CADPS: variants seen among roughly 807,000 people sequenced by gnomAD.
The protein encoded by CADPS is calcium dependent secretion activator, also known as calcium-dependent secretion activator 1.
A neutral mutation model predicts 167.3 loss-of-function variants in CADPS; 57 were observed. The ratio of observed to expected loss-of-function variants is 0.34; its 90% confidence interval spans 0.28 to 0.42. CADPS has a LOEUF of 0.42. Ranked by LOEUF, CADPS falls within the 20% of genes least tolerant of loss-of-function variation. CADPS has a pLI of 1.00. For synonymous variants in CADPS, 676 were observed against 635.3 expected, an observed-to-expected ratio of 1.06 and a Z score of -0.96; for missense variants, 1,414 against 1,738.1, an observed-to-expected ratio of 0.81 and a Z score of 3.32.
At chr3:62,674,103 T>C (rs2075983212) in intron 3 of CADPS, among the ~76,000 whole-genome samples, 3 of 152,160 alleles carry the variant, frequency 2.0e-5, no homozygotes, top group African/African-American at 7.2e-5. Context: ...GCTTCTGCAA[T>C]TGTGGCTTTT....
chr3:62,556,800 A>G (rs1393061428), intron 10 of CADPS, among the ~76,000 whole-genome samples: 2 of 151,974 alleles, frequency 1.3e-5, no homozygotes, highest in South Asian at 2.1e-4. Flanking sequence ...TCTTAGCTAC[A>G]TAAGGCTTAA....
At chr3:62,851,351 T>C (rs1290788966) in intron 1 of CADPS, among the ~76,000 whole-genome samples, 8 of 127,404 alleles carry the variant, frequency 6.3e-5, no homozygotes, top group Non-Finnish European at 1.2e-4. Context: ...CGTTAGTTGA[T>C]GCAGTTTCTT....
intron 13 of CADPS, among the ~76,000 whole-genome samples, chr3:62,529,750 A>G (rs1202003822): frequency 6.6e-6 from 1 of 152,202 alleles, no homozygotes; most frequent in Non-Finnish European, 1.5e-5. Flanking sequence ...CTACAAGTGA[A>G]CGGTATACAT....
At chr3:62,714,583 C>T (rs1433435755) in intron 3 of CADPS, among the ~76,000 whole-genome samples, 1 of 152,118 alleles carries the variant, frequency 6.6e-6, no homozygotes, top group African/African-American at 2.4e-5. Context: ...AGAAGCCTGC[C>T]TGCAAAGTAT....
chr3:62,796,578 T>C (rs2093422908), intron 1 of CADPS, among the ~76,000 whole-genome samples: 1 of 152,168 alleles, frequency 6.6e-6, no homozygotes, highest in African/African-American at 2.4e-5. Flanking sequence ...TAAAAATTTT[T>C]CTGGAGAAGG....
intron 24 of CADPS, among the ~76,000 whole-genome samples, chr3:62,469,039 A>G (rs1464960870): frequency 6.6e-6 from 1 of 152,206 alleles, no homozygotes. Context: ...TTGCATGTGT[A>G]TATACATTTC....
chr3:62,664,424 C>A (rs1345551375), intron 3 of CADPS, among the ~76,000 whole-genome samples: 1 of 152,258 alleles, frequency 6.6e-6, no homozygotes, highest in African/African-American at 2.4e-5. Context: ...AAAGCAGTCA[C>A]ATGACTGACC....
At chr3:62,464,985 G>C (rs2059779669) in intron 26 of CADPS, among the ~76,000 whole-genome samples, 1 of 152,176 alleles carries the variant, frequency 6.6e-6, no homozygotes, top group Non-Finnish European at 1.5e-5. Context: ...CCAGGACTGA[G>C]TGCAGGTCTT....
intron 14 of CADPS, among the ~76,000 whole-genome samples, chr3:62,517,250 G>T (rs1044908392): frequency 2.4e-4 from 36 of 152,254 alleles, no homozygotes; most frequent in Non-Finnish European, 2.6e-4. Flanking sequence ...TCCAGTGACT[G>T]GTTTCAGGTT....
chr3:62,559,489 C>T (rs1279702683), intron 9 of CADPS, among the ~76,000 whole-genome samples: 1 of 151,748 alleles, frequency 6.6e-6, no homozygotes, highest in Non-Finnish European at 1.5e-5. Flanking sequence ...TGGAACGGTC[C>T]CATGGGGAAT....
chr3:62,465,479 G>C lies in CADPS; in HGVS notation c.3553-29C>G. 6.7e-7 allele frequency: 1 copy of C among 1,482,398 alleles called. No individual in the cohort carries two copies. The highest frequency in any genetic ancestry group is 1.2e-5 in the South Asian group (1 of 84,132). The allele number at this position is 1,482,398 out of a possible 1,614,324, so 91.8% of individuals were successfully genotyped here. On this transcript the variant is annotated intron_variant, in intron 25 of 29. Transcript: ENST00000383710. The surrounding 1 kb of genome is among the most constrained non-coding windows in gnomAD (Gnocchi z 4.1). ...GAAAAACAGCAAAAAAGAAAAAAAT[G>C]TTATTTCAAACTATAATTGTTCACC...
At chr3:62,468,405 T>C (rs894609932) in intron 24 of CADPS, among the ~76,000 whole-genome samples, 2 of 152,072 alleles carry the variant, frequency 1.3e-5, no homozygotes, top group African/African-American at 4.8e-5. Context: ...AAGAAGAACA[T>C]CATTGAGAAA....
chr3:62,787,638 A>T (rs1559620730), intron 1 of CADPS, among the ~76,000 whole-genome samples: 1 of 152,206 alleles, frequency 6.6e-6, no homozygotes, highest in Non-Finnish European at 1.5e-5. Context: ...ATGTGTGTTC[A>T]AAATAGCTTG....
At chr3:62,690,475 T>C (rs2078901676) in intron 3 of CADPS, among the ~76,000 whole-genome samples, 1 of 151,924 alleles carries the variant, frequency 6.6e-6, no homozygotes, top group Admixed American at 6.6e-5. Context: ...GCTAAGTAAC[T>C]TTCCAAGGCC....
intron 5 of CADPS, among the ~76,000 whole-genome samples, chr3:62,648,771 G>A (rs1164567596): frequency 6.6e-6 from 1 of 150,462 alleles, no homozygotes; most frequent in Non-Finnish European, 1.5e-5. Context: ...CCCCGTTTCT[G>A]TAGGAAGACA....
In CADPS at chr3:62,585,066, T is replaced by C. The variant is rs376745719; in HGVS notation, c.1577+119A>G. 15 of 949,264 alleles carry C rather than the reference T, an allele frequency of 1.6e-5. No individual in the cohort carries two copies. In the Admixed American group the frequency reaches 1.8e-4, roughly 11 times the overall value. 58.8% of individuals were successfully genotyped at this position (949,264 alleles called of 1,614,324 possible). A position where few individuals can be genotyped will look rare whatever the true frequency, so the allele number is the denominator to read the frequency against. ...AATATCAAAGTCGAATATTTTAATA[T>C]GAATTCTTTATATTTCCTTCTACAT... On this transcript the variant is annotated intron_variant, in intron 8 of 29. Coordinates refer to ENST00000383710, the MANE Select transcript of CADPS (RefSeq NM_003716.4).
At chr3:62,863,119 C>G (rs1307513953) in intron 1 of CADPS, among the ~76,000 whole-genome samples, 1 of 152,060 alleles carries the variant, frequency 6.6e-6, no homozygotes, top group Non-Finnish European at 1.5e-5. Context: ...CTGTCAGACA[C>G]CTGGGGAGAC....
chr3:62,819,692 C>A (rs2094808223), intron 1 of CADPS, among the ~76,000 whole-genome samples: 1 of 152,116 alleles, frequency 6.6e-6, no homozygotes, highest in Non-Finnish European at 1.5e-5. Context: ...CATATGGGCA[C>A]TCCATCCCTA....
intron 1 of CADPS, among the ~76,000 whole-genome samples, chr3:62,767,206 C>T (rs2152513168): frequency 6.6e-6 from 1 of 152,252 alleles, no homozygotes; most frequent in Non-Finnish European, 1.5e-5. Flanking sequence ...TCATGAGAAA[C>T]TACCTCTGTG....
Sources: allele counts gnomAD v4.1 joint callset (sites outside exome capture counted in the v4.1 genomes callset), GRCh38; gene constraint gnomAD v4.1.1; non-coding constraint Gnocchi (gnomAD v3.1); transcripts MANE v1.5; gene names NCBI Gene and HGNC (gene_info 2026-07-23, HGNC 2026-07-21).